The following PLS3 variants were observed in gnomAD, a reference collection of about 807,000 sequenced individuals.
PLS3 encodes the protein plastin 3, also known as plastin-3.
Under a neutral mutation model 46.5 loss-of-function variants are expected in PLS3, and 11 were observed. The observed-to-expected ratio is 0.24, with a 90% CI of 0.15 to 0.39. PLS3 has a LOEUF of 0.39. Among genes scored for constraint, PLS3 ranks in the 10% least tolerant of loss-of-function variants. PLS3 has a pLI of 1.00. For missense variants in PLS3, 308 were observed against 461.8 expected, an observed-to-expected ratio of 0.67 and a Z score of 3.05; for synonymous variants, 167 against 162.2, an observed-to-expected ratio of 1.03 and a Z score of -0.22.
At chrX:115,633,007 G>T (rs1556639641) in intron 5 of PLS3, among the ~76,000 whole-genome samples, 1 of 109,197 alleles carries the variant, frequency 9.2e-6, no homozygotes, top group African/African-American at 3.3e-5. Context: ...AATTGCTAGG[G>T]TTACAGGCGT....
At chrX:115,571,030 G>A (rs2074212105) in intron 1 of PLS3, among the ~76,000 whole-genome samples, 1 of 108,901 alleles carries the variant, frequency 9.2e-6, no homozygotes, top group Admixed American at 9.8e-5. Context: ...GAGTAGCAGG[G>A]ACTACAGGTG....
intron 7 of PLS3, among the ~76,000 whole-genome samples, chrX:115,635,649 T>A (rs1556640090): frequency 3.6e-4 from 7 of 19,274 alleles, no homozygotes; most frequent in South Asian, 3.2e-3. Context: ...AGACTCTGTC[T>A]CAAAAAAAAA....
intron 1 of PLS3, among the ~76,000 whole-genome samples, chrX:115,594,905 G>T (rs1013432631): frequency 1.2e-4 from 13 of 111,385 alleles, no homozygotes; most frequent in African/African-American, 4.2e-4. Flanking sequence ...TAAAAGCAAA[G>T]TGGGCTATTT....
At chrX:115,630,962 ATT>A (rs1406500568) in intron 5 of PLS3, among the ~76,000 whole-genome samples, 1 of 96,978 alleles carries the variant, frequency 1.0e-5, no homozygotes, top group African/African-American at 3.8e-5. Flanking sequence ...TAAAATATAT[ATT>A]ATACATATAT....
At chrX:115,565,878 T>C (rs1357386509) in intron 1 of PLS3, among the ~76,000 whole-genome samples, 4 of 112,290 alleles carry the variant, frequency 3.6e-5, no homozygotes. Flanking sequence ...CTTAAAAGTT[T>C]AGAAACGTAT....
rs1556642315 is a variant in PLS3, at chrX:115,650,143, A to T, written c.*582A>T. On this transcript the variant is annotated 3_prime_UTR_variant, in exon 16 of 16. Coordinates refer to ENST00000355899, the MANE Select transcript of PLS3 (RefSeq NM_005032.7). The stretch of plus-strand genomic sequence containing the variant: ...CTTTTTACAGTATTCTTTCTACATG[A>T]TCCTTTTTTGTACATTTAAGAATAT... 8.9e-6 allele frequency: 1 copy of T among 111,817 alleles called. No homozygotes were observed. The highest frequency in any genetic ancestry group is 1.9e-5 in the Non-Finnish European group (1 of 53,091). The allele number at this position is 111,817 out of a possible 1,213,427, so 9.2% of individuals were successfully genotyped here.
chrX:115,635,384 T>C (rs1192222473), intron 7 of PLS3, among the ~76,000 whole-genome samples: 1 of 110,137 alleles, frequency 9.1e-6, no homozygotes, highest in African/African-American at 3.3e-5. Flanking sequence ...GCTCCACCAT[T>C]TTGCACCATC....
intron 8 of PLS3, among the ~76,000 whole-genome samples, chrX:115,638,817 A>C (rs2074864994): frequency 9.2e-6 from 1 of 108,880 alleles, no homozygotes; most frequent in Non-Finnish European, 1.9e-5. Context: ...GGTTCACGCC[A>C]TTCTCCTGCC....
intron 1 of PLS3, among the ~76,000 whole-genome samples, chrX:115,570,137 G>A (rs990806412): frequency 4.5e-5 from 5 of 110,233 alleles, no homozygotes; most frequent in Admixed American, 9.7e-5. Flanking sequence ...GGGTTTCACC[G>A]TCTTGGCCAG....
intron 1 of PLS3, among the ~76,000 whole-genome samples, chrX:115,579,200 G>A (rs73636297): frequency 0.06 from 6,654 of 111,586 alleles, 500 homozygotes; most frequent in African/African-American, 0.21. Flanking sequence ...TTCTCTGAGC[G>A]TAATTCTCTT....
intron 5 of PLS3, among the ~76,000 whole-genome samples, chrX:115,633,354 A>G (rs2074797901): frequency 9.0e-6 from 1 of 110,862 alleles, no homozygotes; most frequent in Non-Finnish European, 1.9e-5. Context: ...TATTTTTAGT[A>G]GAGACGGGGT....
chrX:115,566,076 T>TAA (rs1413610918), intron 1 of PLS3, among the ~76,000 whole-genome samples: 1 of 112,130 alleles, frequency 8.9e-6, no homozygotes, highest in Non-Finnish European at 1.9e-5. Flanking sequence ...ACAGGCATGG[T>TAA]AAAAGGATAA....
At chrX:115,589,711 A>G (rs781963069) in intron 1 of PLS3, among the ~76,000 whole-genome samples, 1 of 112,175 alleles carries the variant, frequency 8.9e-6, no homozygotes, top group Non-Finnish European at 1.9e-5. Flanking sequence ...TGAAAGTTGT[A>G]AGAGACTTTA....
chrX:115,630,736 A>G (rs1180509905), intron 5 of PLS3, among the ~76,000 whole-genome samples: 2 of 94,777 alleles, frequency 2.1e-5, no homozygotes, highest in Non-Finnish European at 4.1e-5. Flanking sequence ...ATATGTGTGT[A>G]TATATATTTA....
At chrX:115,613,523 G>A (rs2074566491) in intron 2 of PLS3, among the ~76,000 whole-genome samples, 1 of 110,922 alleles carries the variant, frequency 9.0e-6, no homozygotes, top group African/African-American at 3.3e-5. Context: ...CAAAACTATA[G>A]CCCGTCTAAA....
intron 1 of PLS3, among the ~76,000 whole-genome samples, chrX:115,590,461 C>T (rs1179450034): frequency 2.7e-5 from 3 of 111,080 alleles, no homozygotes; most frequent in Admixed American, 9.6e-5. Flanking sequence ...ACACACACCT[C>T]GGATGGTGAG....
chrX:115,567,363 G>A (rs193115065), intron 1 of PLS3, among the ~76,000 whole-genome samples: 7 of 110,725 alleles, frequency 6.3e-5, no homozygotes, highest in Non-Finnish European at 1.1e-4. Flanking sequence ...TTGGGAGGCC[G>A]AGGTGGGTGG....
intron 1 of PLS3, among the ~76,000 whole-genome samples, chrX:115,572,303 A>G (rs1051715576): frequency 2.7e-5 from 3 of 111,082 alleles, no homozygotes. Flanking sequence ...AACCTGGGTA[A>G]GATATCAAGA....
chrX:115,639,438 T>C (rs1294361249), intron 8 of PLS3, among the ~76,000 whole-genome samples: 2 of 111,987 alleles, frequency 1.8e-5, no homozygotes, highest in Admixed American at 1.9e-4. Flanking sequence ...CATTTATATT[T>C]GGTAGCTCAG....
Sources: allele counts gnomAD v4.1 joint callset (sites outside exome capture counted in the v4.1 genomes callset), GRCh38; gene constraint gnomAD v4.1.1; transcripts MANE v1.5; gene names NCBI Gene and HGNC (gene_info 2026-07-23, HGNC 2026-07-21).